OCM: variants seen among roughly 807,000 people sequenced by gnomAD.
OCM encodes the protein oncomodulin.
A neutral mutation model predicts 14.1 loss-of-function variants in OCM; 18 were observed. That is an observed-to-expected ratio of 1.28 (90% CI 0.88 to 1.89). The LOEUF is 1.89. Ranked by LOEUF, OCM falls within the 40% of genes most tolerant of loss-of-function variation. The pLI, the probability that OCM is intolerant of heterozygous loss-of-function variation, is 0.00. For missense variants in OCM, 140 were observed against 137.6 expected (o/e 1.02, Z -0.09); for synonymous variants, 48 against 51.0 (o/e 0.94, Z 0.25).
intron 1 of OCM, among the ~76,000 whole-genome samples, chr7:5,881,946 G>A (rs187037832): frequency 5.9e-5 from 9 of 151,736 alleles, no homozygotes; most frequent in African/African-American, 2.2e-4. Flanking sequence ...AATGAGCTGG[G>A]CATGGGGGTG....
In OCM at chr7:5,880,963, T is replaced by C; in HGVS notation, c.61+13T>C. 1.2e-6 allele frequency: 2 copies of C among 1,611,200 alleles called. No individual in the cohort carries two copies. The highest frequency in any genetic ancestry group is 1.7e-6 in the Non-Finnish European group (2 of 1,177,714). On this transcript the variant is annotated intron_variant, in intron 1 of 3. Coordinates refer to ENST00000242104, the MANE Select transcript of OCM (RefSeq NM_001097622.2). Reference sequence around the variant, plus strand: ...CAGGAATGCCGAGGTAGAGGGGACGTGAGGCGGGGGTGGGATTTCCTCACA... The same window carrying C: ...CAGGAATGCCGAGGTAGAGGGGACGCGAGGCGGGGGTGGGATTTCCTCACA...
In OCM at chr7:5,886,327, C is replaced by T. The variant is rs1046731194; in HGVS notation, c.*238C>T. ...CCCCCCTTCCCCCAACAGGCAATGC[C>T]TCTAAAAATCACCCAATAAAGACAG... is the stretch of plus-strand genomic sequence containing the variant. On this transcript the variant is annotated 3_prime_UTR_variant, in exon 4 of 4. Coordinates refer to ENST00000242104, the MANE Select transcript of OCM (RefSeq NM_001097622.2). The T allele has an allele frequency of 7.5e-6, 4 of 532,740 alleles. No homozygotes were observed. The highest frequency in any genetic ancestry group is 1.4e-5 in the Non-Finnish European group (4 of 294,976). 33.0% of individuals were successfully genotyped at this position (532,740 alleles called of 1,614,324 possible).
chr7:5,879,950 A>C (rs1192397862), upstream of OCM: 1 of 152,110 alleles, frequency 6.6e-6, no homozygotes, highest in Non-Finnish European at 1.5e-5. Context: ...CTGGGGGGAA[A>C]CCGAAAACGG....
the OCM span, among the ~76,000 whole-genome samples, chr7:5,874,347 T>C: frequency 4.1e-3 from 624 of 151,486 alleles, 10 homozygotes; most frequent in African/African-American, 0.015. Flanking sequence ...TGTTTAAAAA[T>C]GGTTAATATA....
the OCM span, among the ~76,000 whole-genome samples, chr7:5,870,597 C>T: frequency 2.0e-5 from 3 of 152,182 alleles, no homozygotes; most frequent in East Asian, 5.8e-4. Flanking sequence ...AAGGCTGGTA[C>T]ATTCTGGCCA....
At chr7:5,865,820 G>A in the OCM span, among the ~76,000 whole-genome samples, 1 of 152,116 alleles carries the variant, frequency 6.6e-6, no homozygotes, top group South Asian at 2.1e-4. Flanking sequence ...TAATACATAG[G>A]TAACAACAAT....
the OCM span, among the ~76,000 whole-genome samples, chr7:5,868,645 C>A: frequency 6.6e-6 from 1 of 152,270 alleles, no homozygotes; most frequent in Middle Eastern, 3.4e-3. Flanking sequence ...TCTCCTGCAG[C>A]ATTTCAATAA....
chr7:5,860,467 ATATATACGTG>A, the OCM span, among the ~76,000 whole-genome samples: 211 of 37,710 alleles, frequency 5.6e-3, 13 homozygotes, highest in African/African-American at 0.059. Flanking sequence ...ATTATTACGT[ATATATACGTG>A]TATATATACG....
At chr7:5,885,657 C>A (rs1781318525) in intron 3 of OCM, among the ~76,000 whole-genome samples, 1 of 148,056 alleles carries the variant, frequency 6.8e-6, no homozygotes, top group Non-Finnish European at 1.5e-5. Flanking sequence ...CTCGCCCAGG[C>A]TAGAGTGCAA....
chr7:5,876,867 G>A (rs1396362564), upstream of OCM, among the ~76,000 whole-genome samples: 3 of 150,448 alleles, frequency 2.0e-5, no homozygotes, highest in African/African-American at 7.4e-5. Context: ...GTGCAATGGT[G>A]CGATCTCGGC....
At chr7:5,864,515 A>G in the OCM span, among the ~76,000 whole-genome samples, 177 of 152,172 alleles carry the variant, frequency 1.2e-3, no homozygotes, top group African/African-American at 4.2e-3. Flanking sequence ...TTGGGGAGCA[A>G]TTATGAATCG....
At chr7:5,860,118 C>T in the OCM span, among the ~76,000 whole-genome samples, 1 of 151,920 alleles carries the variant, frequency 6.6e-6, no homozygotes, top group Admixed American at 6.6e-5. Flanking sequence ...ATATGGGACC[C>T]TGGAGCGAGA....
upstream of OCM, among the ~76,000 whole-genome samples, chr7:5,878,725 C>A (rs1381388025): frequency 6.7e-6 from 1 of 149,878 alleles, no homozygotes; most frequent in Non-Finnish European, 1.5e-5. Context: ...CCAGCCTGGG[C>A]GACAGAATTG....
chr7:5,879,592 C>T (rs1415456920), upstream of OCM, among the ~76,000 whole-genome samples: 2 of 152,022 alleles, frequency 1.3e-5, no homozygotes, highest in East Asian at 1.9e-4. Context: ...TAGTTCAGGC[C>T]ACCATCTCCA....
At chr7:5,876,872 C>T (rs1423644055), upstream of OCM, among the ~76,000 whole-genome samples, 1 of 149,444 alleles carries the variant, frequency 6.7e-6, no homozygotes, top group Non-Finnish European at 1.5e-5. Flanking sequence ...ATGGTGCGAT[C>T]TCGGCTCACC....
At chr7:5,866,394 A>G in the OCM span, among the ~76,000 whole-genome samples, 3,950 of 52,046 alleles carry the variant, frequency 0.076, 368 homozygotes, top group East Asian at 0.47. Context: ...GGAAGAGAGG[A>G]AGGAAAGAAG....
At chr7:5,874,986 G>A (rs1415908887), upstream of OCM, among the ~76,000 whole-genome samples, 1 of 151,262 alleles carries the variant, frequency 6.6e-6, no homozygotes, top group Non-Finnish European at 1.5e-5. Flanking sequence ...AATATTCTAG[G>A]TACCTCATAT....
chr7:5,869,334 A>C, the OCM span, among the ~76,000 whole-genome samples: 1 of 151,966 alleles, frequency 6.6e-6, no homozygotes, highest in Admixed American at 6.6e-5. Flanking sequence ...ACGGTGGCTC[A>C]TGGCTGTAAT....
upstream of OCM, among the ~76,000 whole-genome samples, chr7:5,875,963 G>A (rs1781087152): frequency 1.3e-5 from 2 of 151,752 alleles, no homozygotes; most frequent in South Asian, 4.1e-4. Flanking sequence ...AGCCTACTGA[G>A]CAGCCGGCAC....
Sources: gnomAD v4.1 joint callset for allele counts (sites outside exome capture counted in the v4.1 genomes callset) on GRCh38, gnomAD v4.1.1 for gene constraint, MANE v1.5 for transcripts, NCBI Gene and HGNC (gene_info 2026-07-23, HGNC 2026-07-21) for gene names.